RPP30: variants seen among roughly 807,000 people sequenced by gnomAD.
RPP30 encodes the protein ribonuclease P/MRP subunit p30.
A neutral mutation model predicts 38.6 loss-of-function variants in RPP30; 36 were observed. That is an observed-to-expected ratio of 0.93 (90% CI 0.71 to 1.23). The LOEUF (loss-of-function observed/expected upper bound fraction) is 1.23. Among genes scored for constraint, RPP30 ranks in the 50% most tolerant of loss-of-function variants. The pLI, the probability that RPP30 is intolerant of heterozygous loss-of-function variation, is 0.00. For synonymous variants in RPP30, 126 were observed against 112.7 expected, an observed-to-expected ratio of 1.12 and a Z score of -0.75; for missense variants, 321 against 321.7, an observed-to-expected ratio of 1.00 and a Z score of 0.02.
At chr10:90,887,820 T>C (rs1847020976) in intron 6 of RPP30, among the ~76,000 whole-genome samples, 1 of 152,080 alleles carries the variant, frequency 6.6e-6, no homozygotes, top group Admixed American at 6.6e-5. Flanking sequence ...CATTTTCGAG[T>C]TGGAAATCTA....
chr10:90,903,464 G>A (rs1016847152), downstream of RPP30, among the ~76,000 whole-genome samples: 1 of 152,180 alleles, frequency 6.6e-6, no homozygotes, highest in African/African-American at 2.4e-5. Context: ...GACTGTCTTG[G>A]AAAACTCGTG....
chr10:90,888,659 TG>T (rs1320341236), intron 6 of RPP30, among the ~76,000 whole-genome samples: 1 of 152,060 alleles, frequency 6.6e-6, no homozygotes, highest in African/African-American at 2.4e-5. Context: ...AGTGGGGCAG[TG>T]GGGCAACATG....
chr10:90,900,633 A>G lies in RPP30; in HGVS notation c.761A>G (p.Asp254Gly), dbSNP rs149301882. The G allele has an allele frequency of 6.4e-4, 1,040 of 1,613,792 alleles. 5 individuals carry two copies. In the African/African-American group the frequency reaches 0.011, roughly 18 times the overall value. ...TVKKPRPSEG[D>G]EDCLPASKKA... is the part of the protein sequence containing the mutation. ...AAGAAACCTCGGCCATCAGAAGGAG[A>G]TGAAGATTGTCTTCCAGCTTCCAAG... is the stretch of plus-strand genomic sequence containing the variant. Residue 254 changes from aspartate (D) to glycine (G), a missense_variant, in exon 11 of 11, where the codon GAT becomes GGT. Coordinates refer to ENST00000371703, the MANE Select transcript of RPP30 (RefSeq NM_006413.5).
At chr10:90,881,867 CAT>C (rs1846931645) in intron 5 of RPP30, among the ~76,000 whole-genome samples, 14 of 152,242 alleles carry the variant, frequency 9.2e-5, no homozygotes, top group African/African-American at 3.4e-4. Context: ...AGTCATCAAG[CAT>C]ACACACACAG....
At chr10:90,877,765 A>G (rs1175485129) in intron 4 of RPP30, among the ~76,000 whole-genome samples, 1 of 152,206 alleles carries the variant, frequency 6.6e-6, no homozygotes, top group African/African-American at 2.4e-5. Flanking sequence ...CCATAGGAGA[A>G]TGGGAGGCGT....
Position 90,900,957 on chromosome 10 carries a change from T to A in RPP30, c.*278T>A. 1.8e-6 allele frequency: 2 copies of A among 1,097,828 alleles called. No individual in the cohort carries two copies. The highest frequency in any genetic ancestry group is 2.2e-6 in the Non-Finnish European group (2 of 901,346). The allele number at this position is 1,097,828 out of a possible 1,614,324, so 68.0% of individuals were successfully genotyped here. A position where few individuals can be genotyped will look rare whatever the true frequency, so the allele number is the denominator to read the frequency against. On this transcript the variant is annotated 3_prime_UTR_variant, in exon 11 of 11. Coordinates refer to ENST00000371703, the MANE Select transcript of RPP30 (RefSeq NM_006413.5). The stretch of plus-strand genomic sequence containing the variant: ...AAGTGATAAACAACAGCAAATATAC[T>A]TGAATAAAATGTTTCAGGTATTTTT...
chr10:90,874,543 T>A (rs1846825304), intron 1 of RPP30, among the ~76,000 whole-genome samples: 2 of 152,246 alleles, frequency 1.3e-5, no homozygotes, highest in South Asian at 4.1e-4. Context: ...TTAATAATAA[T>A]TCATAATGGT....
rs1210754965 is a variant in RPP30 at position 90,895,293 on chromosome 10, G to C, written c.550-161G>C. On this transcript the variant is annotated intron_variant, in intron 7 of 10. Coordinates refer to ENST00000371703, the MANE Select transcript of RPP30 (RefSeq NM_006413.5). ...TTACAGATTGCCTTTAGTTTGACAT[G>C]AAGTCTTTTCATTTTTTTCACCTTA... The C allele has an allele frequency of 1.4e-5, 7 of 511,208 alleles. No individual in the cohort carries two copies. The Admixed American group carries it at 2.4e-4, about 17-fold the overall frequency. The allele number at this position is 511,208 out of a possible 1,614,324, so 31.7% of individuals were successfully genotyped here. A position where few individuals can be genotyped will look rare whatever the true frequency, so the allele number is the denominator to read the frequency against.
Position 90,876,208 on chromosome 10 carries a change from C to T in RPP30, c.270+110C>T, listed in dbSNP as rs1282268424. The T allele has an allele frequency of 2.0e-5, 13 of 652,844 alleles. No individual in the cohort carries two copies. In the East Asian group the frequency reaches 2.8e-4, roughly 14 times the overall value. 40.4% of individuals were successfully genotyped at this position (652,844 alleles called of 1,614,324 possible). On this transcript the variant is annotated intron_variant, in intron 4 of 10. Transcript: ENST00000371703. ...ATTTTACATTTTCCCTCGCCCCCGC[C>T]AAACCATGACACCTGCTTGCTCTCC...
At chr10:90,891,342 A>G (rs928845845) in intron 6 of RPP30, among the ~76,000 whole-genome samples, 3 of 152,142 alleles carry the variant, frequency 2.0e-5, no homozygotes, top group Non-Finnish European at 4.4e-5. Context: ...ATGTCTTCAC[A>G]TGGCCATCGT....
In RPP30 at chr10:90,898,835, G is replaced by A. The variant is rs547565778; in HGVS notation, c.698-1735G>A. On this transcript the variant is annotated intron_variant, in intron 10 of 10. Transcript: ENST00000371703. ...AAAGGACAGAGGAAAGAGGCCCAAG[G>A]TCAGGGTCTTTGGCCTGTGATTGAT... Among the ~76,000 whole-genome samples the A allele has an allele frequency of 3.3e-5, 5 of 152,296 alleles. No individual in the cohort carries two copies. The East Asian group carries it at 7.7e-4, about 24-fold the overall frequency.
intron 5 of RPP30, among the ~76,000 whole-genome samples, chr10:90,885,082 C>T (rs1846980585): frequency 6.6e-6 from 1 of 152,100 alleles, no homozygotes. Context: ...TCCTGATTTT[C>T]TTATCTGTTT....
chr10:90,902,391 G>A (rs1447544098), downstream of RPP30: 3 of 329,144 alleles, frequency 9.1e-6, no homozygotes, highest in Non-Finnish European at 1.8e-5. Context: ...GCTAATTTTT[G>A]TATTTTTTTG....
In RPP30 at chr10:90,879,094, ATGT is replaced by A; in HGVS notation, c.308_310del (p.Val103del). ...ACTTCTTCAAGGGCCCGGCTCTATG[ATGT>A]TGTTGCAGTTTTTCCAAAGACAGAA... On this transcript the variant is annotated inframe_deletion, in exon 5 of 11. Coordinates refer to ENST00000371703, the MANE Select transcript of RPP30 (RefSeq NM_006413.5). The A allele has an allele frequency of 6.2e-7, 1 of 1,613,996 alleles. No homozygotes were observed. The highest frequency in any genetic ancestry group is 8.5e-7 in the Non-Finnish European group (1 of 1,179,982).
At chr10:90,895,149 A>T (rs143717414) in intron 7 of RPP30, 4 of 554,578 alleles carry the variant, frequency 7.2e-6, no homozygotes, top group African/African-American at 5.7e-5. Context: ...GTGAAAGAAA[A>T]GTCTAGAATA....
chr10:90,878,950 C>CAGT (rs55802732), intron 4 of RPP30, 113 bp from the exon 5 acceptor site: 656,259 of 794,240 alleles, frequency 0.83, 272,920 homozygotes, highest in African/African-American at 0.96. Context: ...GCAGAAATGT[C>CAGT]AGTATATTAG....
At chr10:90,886,320 C>T (rs560908474) in intron 6 of RPP30, among the ~76,000 whole-genome samples, 2 of 152,266 alleles carry the variant, frequency 1.3e-5, no homozygotes, top group East Asian at 1.9e-4. Flanking sequence ...ATCACATAGA[C>T]GTGGTCTATG....
In RPP30 at chr10:90,878,773, A is replaced by C. The variant is rs11186344; in HGVS notation, c.271-290A>C. 2.0e-5 allele frequency among the ~76,000 whole-genome samples: 3 copies of C among 152,248 alleles called. No individual in the cohort carries two copies. The East Asian group carries it at 5.8e-4, about 29-fold the overall frequency. On this transcript the variant is annotated intron_variant, in intron 4 of 10. Coordinates refer to ENST00000371703, the MANE Select transcript of RPP30 (RefSeq NM_006413.5). ...CTCCCAAAGTGCTGGGTTTACAGGCATAAGCCATCATACCTAGCCTAATTT... is the reference window on the plus strand; with the variant it reads ...CTCCCAAAGTGCTGGGTTTACAGGCCTAAGCCATCATACCTAGCCTAATTT...
At position 90,900,963 on chromosome 10, in the gene RPP30, A is replaced by G; in HGVS notation, c.*284A>G. 9.2e-7 allele frequency: 1 copy of G among 1,083,510 alleles called. No individual in the cohort carries two copies. The highest frequency in any genetic ancestry group is 1.7e-5 in the African/African-American group (1 of 60,312). The allele number at this position is 1,083,510 out of a possible 1,614,324, so 67.1% of individuals were successfully genotyped here. ...TAAACAACAGCAAATATACTTGAAT[A>G]AAATGTTTCAGGTATTTTTGTTTCA... On this transcript the variant is annotated 3_prime_UTR_variant, in exon 11 of 11. Transcript: ENST00000371703.
Sources: gnomAD v4.1 joint callset for allele counts (sites outside exome capture counted in the v4.1 genomes callset) on GRCh38, gnomAD v4.1.1 for gene constraint, MANE v1.5 for transcripts, NCBI Gene and HGNC (gene_info 2026-07-23, HGNC 2026-07-21) for gene names.